Variants in FNBP1L observed in about 807,000 individuals in gnomAD.
The protein encoded by FNBP1L is formin binding protein 1 like.
Under a neutral mutation model 91.2 loss-of-function variants are expected in FNBP1L, and 36 were observed. That is an observed-to-expected ratio of 0.39 (90% CI 0.30 to 0.52). The LOEUF (loss-of-function observed/expected upper bound fraction) is 0.52. Ranked by LOEUF, FNBP1L falls within the 20% of genes least tolerant of loss-of-function variation. FNBP1L has a pLI of 0.66. For synonymous variants in FNBP1L, 242 were observed against 237.0 expected (o/e 1.02, Z -0.19); for missense variants, 571 against 732.1 (o/e 0.78, Z 2.54).
At chr1:93,506,467 C>T (rs1225920663) in intron 2 of FNBP1L, among the ~76,000 whole-genome samples, 2 of 152,118 alleles carry the variant, frequency 1.3e-5, no homozygotes, top group South Asian at 2.1e-4. Context: ...CGTTGGGTCA[C>T]TTAACTGAGC....
At chr1:93,549,876 G>A (rs755061481) in intron 15 of FNBP1L, among the ~76,000 whole-genome samples, 3 of 152,192 alleles carry the variant, frequency 2.0e-5, no homozygotes, top group Admixed American at 6.5e-5. Flanking sequence ...TACTGAGTCC[G>A]TAGGCCACCT....
chr1:93,537,550 A>G lies in FNBP1L; in HGVS notation c.1149+1060A>G, dbSNP rs572322466. The stretch of plus-strand genomic sequence containing the variant: ...CAAACTTAACTGATGTTACTAATGC[A>G]GCAGAAATGTCCCAGTGTATTATGT... On this transcript the variant is annotated intron_variant, in intron 10 of 16. Transcript: ENST00000271234. Among the ~76,000 whole-genome samples the G allele has an allele frequency of 2.0e-4, 31 of 152,310 alleles. 2 individuals are homozygous for G. The South Asian group carries it at 6.2e-3, about 31-fold the overall frequency.
chr1:93,514,036 A>G (rs1256544402), intron 2 of FNBP1L, among the ~76,000 whole-genome samples: 1 of 152,122 alleles, frequency 6.6e-6, no homozygotes, highest in Non-Finnish European at 1.5e-5. Context: ...GTCTCAGCCC[A>G]AAATCTCCTT....
At position 93,530,899 on chromosome 1, in the gene FNBP1L, G is replaced by A; in HGVS notation, c.639+16G>A. On this transcript the variant is annotated intron_variant, in intron 7 of 16. Coordinates refer to ENST00000271234, the MANE Select transcript of FNBP1L (RefSeq NM_001164473.3). Reference sequence around the variant, plus strand: ...GATTTACAAGGTAAATCTTAGATATGAAGTTAATCTAGTTTTAGATTAACT... The same window carrying A: ...GATTTACAAGGTAAATCTTAGATATAAAGTTAATCTAGTTTTAGATTAACT... 1 of 1,514,204 alleles carries A rather than the reference G, an allele frequency of 6.6e-7. No individual in the cohort carries two copies. The highest frequency in any genetic ancestry group is 8.9e-7 in the Non-Finnish European group (1 of 1,124,476). The allele number at this position is 1,514,204 out of a possible 1,614,324, so 93.8% of individuals were successfully genotyped here.
At position 93,540,721 on chromosome 1, in the gene FNBP1L, A is replaced by G. The variant is rs1672011560; in HGVS notation, c.1150-321A>G. 2.0e-5 allele frequency among the ~76,000 whole-genome samples: 3 copies of G among 152,176 alleles called. No homozygotes were observed. The South Asian group carries it at 6.2e-4, about 31-fold the overall frequency. On this transcript the variant is annotated intron_variant, in intron 10 of 16. Coordinates refer to ENST00000271234, the MANE Select transcript of FNBP1L (RefSeq NM_001164473.3). ...ATTAGTAATTTGAGAATAAAGAGCTATAGAAGTGAAATCCACTTACATAAA... is the reference window on the plus strand; with the variant it reads ...ATTAGTAATTTGAGAATAAAGAGCTGTAGAAGTGAAATCCACTTACATAAA...
At chr1:93,488,716 A>G (rs897555431) in intron 1 of FNBP1L, among the ~76,000 whole-genome samples, 2 of 152,160 alleles carry the variant, frequency 1.3e-5, no homozygotes, top group African/African-American at 2.4e-5. Context: ...CATCAAACAT[A>G]TGTAGGCCCA....
rs894785458 is a variant in FNBP1L, at chr1:93,516,648, C to CA, written c.141-5426dup. ...TGAAACCCCGTCTCCGCTAAAAATA[C>CA]AAAAAAAATTAGCTGGGCGTGGTGG... On this transcript the variant is annotated intron_variant, in intron 2 of 16. Coordinates refer to ENST00000271234, the MANE Select transcript of FNBP1L (RefSeq NM_001164473.3). 8.9e-4 allele frequency among the ~76,000 whole-genome samples: 135 copies of CA among 151,016 alleles called. 2 individuals are homozygous for CA. The highest frequency in any genetic ancestry group is 8.6e-3 in the Admixed American group (130 of 15,148).
intron 4 of FNBP1L, 68 bp from the exon 5 acceptor site, chr1:93,524,193 A>T (rs762998074): frequency 1.6e-6 from 2 of 1,283,748 alleles, no homozygotes; most frequent in Non-Finnish European, 2.1e-6. Flanking sequence ...GTTTAAATGT[A>T]ATTATTTTTA....
intron 1 of FNBP1L, among the ~76,000 whole-genome samples, chr1:93,467,732 G>A (rs1669139582): frequency 6.6e-6 from 1 of 151,964 alleles, no homozygotes; most frequent in South Asian, 2.1e-4. Context: ...CCATAATTGT[G>A]CCTGTTAATA....
At chr1:93,550,807 A>C in intron 15 of FNBP1L, 140 bp from the exon 16 acceptor site, 3 of 775,602 alleles carry the variant, frequency 3.9e-6, no homozygotes, top group African/African-American at 1.7e-5. Context: ...AAAGCACAAT[A>C]GAGATGTTGC....
At chr1:93,469,653 G>A (rs1669215513) in intron 1 of FNBP1L, among the ~76,000 whole-genome samples, 1 of 152,058 alleles carries the variant, frequency 6.6e-6, no homozygotes, top group South Asian at 2.1e-4. Flanking sequence ...GTATGTACTA[G>A]TAAACTATAA....
intron 1 of FNBP1L, among the ~76,000 whole-genome samples, chr1:93,467,495 G>T (rs1026664764): frequency 6.6e-6 from 1 of 152,154 alleles, no homozygotes; most frequent in Non-Finnish European, 1.5e-5. Flanking sequence ...GGCAGGAATG[G>T]GGTTATCATT....
intron 1 of FNBP1L, among the ~76,000 whole-genome samples, chr1:93,486,513 C>A (rs1254754530): frequency 6.6e-6 from 1 of 151,912 alleles, no homozygotes; most frequent in East Asian, 1.9e-4. Context: ...TTGACCCTCA[C>A]AACAACCCTG....
intron 8 of FNBP1L, among the ~76,000 whole-genome samples, 181 bp from the exon 9 acceptor site, chr1:93,534,524 G>A (rs1671783808): frequency 6.6e-6 from 1 of 151,690 alleles, no homozygotes; most frequent in African/African-American, 2.4e-5. Context: ...TTTTCTTTTG[G>A]GATTAAAATA....
At chr1:93,552,229 G>A in intron 16 of FNBP1L, 180 bp from the exon 17 acceptor site, 1 of 1,392,378 alleles carries the variant, frequency 7.2e-7, no homozygotes. Flanking sequence ...GAAGTAAAGT[G>A]TGAAGAAGCA....
rs1672262754 is a variant in FNBP1L at position 93,546,942 on chromosome 1, G to A, written c.1375G>A (p.Asp459Asn). 3 of 1,612,256 alleles carry A rather than the reference G, an allele frequency of 1.9e-6. No individual in the cohort carries two copies. Among genetic ancestry groups the A allele is most frequent in the Non-Finnish European group, 1.7e-6 (2 of 1,179,254 alleles). The change falls in exon 13 of 17, where the codon GAC becomes AAC. Residue 459 changes from aspartate to asparagine, a missense_variant. Asp to Asn is a conservative substitution (Grantham distance 23). This residue lies in a region of FNBP1L where 189 missense variants were observed against 219.7 expected (regional missense o/e 0.86). Transcript: ENST00000271234. Reference sequence around the variant, plus strand: ...ATTAGCAGAGACCATGAATAACATTGACCGCCTACGAATGGAAATCCATAA... The same window carrying A: ...ATTAGCAGAGACCATGAATAACATTAACCGCCTACGAATGGAAATCCATAA... ...PKLAETMNNI[D>N]RLRMEIHKNE...
At chr1:93,524,600 TTACTTTAA>T (rs1382638918) in intron 5 of FNBP1L, among the ~76,000 whole-genome samples, 1 of 150,136 alleles carries the variant, frequency 6.7e-6, no homozygotes, top group Non-Finnish European at 1.5e-5. Flanking sequence ...TTTTTTTTTT[TTACTTTAA>T]AGTAGTTACT....
rs199611646 is a variant in FNBP1L at position 93,454,909 on chromosome 1, TTTTATTTATTTATTTA to T, written c.24+6624_24+6639del. On this transcript the variant is annotated intron_variant, in intron 1 of 16. Coordinates refer to ENST00000271234, the MANE Select transcript of FNBP1L (RefSeq NM_001164473.3). ...ATGTGCATATACTGTGCTGTTTTAT[TTTTATTTATTTATTTA>T]TTTATTTATTTATTTATTTTTGAGA... is the stretch of plus-strand genomic sequence containing the variant. Among the ~76,000 whole-genome samples, 89 of 150,932 alleles carry T rather than the reference TTTTATTTATTTATTTA, an allele frequency of 5.9e-4. 1 individual carries two copies. The highest frequency in any genetic ancestry group is 5.5e-3 in the Admixed American group (83 of 15,158).
rs115785218 is a variant in FNBP1L, at chr1:93,549,834, C to T, written c.1651+408C>T. ...GCTTACTAACATTAAGAGACAGGTACAAGGCATAGCTAGCTGAATGCCATC... is the reference window on the plus strand; with the variant it reads ...GCTTACTAACATTAAGAGACAGGTATAAGGCATAGCTAGCTGAATGCCATC... On this transcript the variant is annotated intron_variant, in intron 15 of 16. Transcript: ENST00000271234. Among the ~76,000 whole-genome samples the T allele has an allele frequency of 4.0e-3, 610 of 152,260 alleles. 3 individuals carry two copies. The highest frequency in any genetic ancestry group is 6.8e-3 in the Middle Eastern group (2 of 294).
Sources: gnomAD v4.1 joint callset for allele counts (sites outside exome capture counted in the v4.1 genomes callset) on GRCh38, gnomAD v4.1.1 for gene constraint, gnomAD v4.1.1 regional missense constraint, MANE v1.5 for transcripts, NCBI Gene and HGNC (gene_info 2026-07-23, HGNC 2026-07-21) for gene names.